Variants in HOGA1 observed in about 807,000 individuals in gnomAD.
HOGA1 encodes 4-hydroxy-2-oxoglutarate aldolase 1, also known as 4-hydroxy-2-oxoglutarate aldolase, mitochondrial.
HOGA1 carries 30 observed loss-of-function variants against 34.3 expected under a neutral mutation model. The observed-to-expected ratio is 0.87, with a 90% confidence interval of 0.65 to 1.19. HOGA1 has a LOEUF of 1.19. Ranked by LOEUF, HOGA1 falls within the 50% of genes most tolerant of loss-of-function variation. The probability of loss-of-function intolerance (pLI) is 0.00; values close to 1 mark genes in which losing one functional copy is unlikely to be tolerated. For synonymous variants in HOGA1, 161 were observed against 174.0 expected (o/e 0.93, Z 0.59); for missense variants, 417 against 436.5 (o/e 0.96, Z 0.40).
At chr10:97,589,698 G>T in intron 1 of HOGA1, 2 of 586,824 alleles carry the variant, frequency 3.4e-6, no homozygotes, top group Non-Finnish European at 6.1e-6. Flanking sequence ...CCTAGGGAGG[G>T]TGCAGCAGGG....
In HOGA1 at chr10:97,598,353, C is replaced by A. The variant is rs146115571; in HGVS notation, c.212-422C>A. ...ACAAATAAATTGTGTTCTAACCTTA[C>A]AACAGAATACTATACAGCAATTAAA... is the stretch of plus-strand genomic sequence containing the variant. On this transcript the variant is annotated intron_variant, in intron 1 of 6. Coordinates refer to ENST00000370646, the MANE Select transcript of HOGA1 (RefSeq NM_138413.4). 2.5e-3 allele frequency among the ~76,000 whole-genome samples: 383 copies of A among 152,340 alleles called. 9 individuals carry two copies. The East Asian group carries it at 0.065, about 26-fold the overall frequency.
chr10:97,585,481 T>C (rs1177499401), intron 1 of HOGA1, among the ~76,000 whole-genome samples: 1 of 152,190 alleles, frequency 6.6e-6, no homozygotes, highest in African/African-American at 2.4e-5. Flanking sequence ...AATCAACATG[T>C]AACAGAGTCC....
chr10:97,607,338 G>A (rs1185008912), intron 6 of HOGA1, among the ~76,000 whole-genome samples: 2 of 152,176 alleles, frequency 1.3e-5, no homozygotes, highest in African/African-American at 2.4e-5. Flanking sequence ...CACCCAGCTG[G>A]GAGCGGGGGT....
Position 97,594,158 on chromosome 10 carries a change from T to C in HOGA1, c.212-4617T>C, listed in dbSNP as rs370214519. 3.9e-3 allele frequency among the ~76,000 whole-genome samples: 551 copies of C among 142,678 alleles called. 8 individuals are homozygous for C. Among genetic ancestry groups the C allele is most frequent in the African/African-American group, 0.014 (531 of 38,706 alleles). 93.6% of individuals were successfully genotyped at this position (142,678 alleles called of 152,430 possible). A position where few individuals can be genotyped will look rare whatever the true frequency, so the allele number is the denominator to read the frequency against. On this transcript the variant is annotated intron_variant, in intron 1 of 6. Transcript: ENST00000370646. ...TGCTGGAATTACAGGCATGAGCCAC[T>C]GCGCCTGGTCTTTTTTTTTTTTTTT...
intron 1 of HOGA1, among the ~76,000 whole-genome samples, chr10:97,587,684 T>A (rs1363285734): frequency 6.6e-6 from 1 of 152,042 alleles, no homozygotes; most frequent in Non-Finnish European, 1.5e-5. Flanking sequence ...ATTTTTGTAT[T>A]TTTAGTAGAG....
At chr10:97,591,365 A>C (rs2041021369) in intron 1 of HOGA1, among the ~76,000 whole-genome samples, 1 of 152,112 alleles carries the variant, frequency 6.6e-6, no homozygotes, top group South Asian at 2.1e-4. Context: ...CCACCACCTA[A>C]GTCTACAGCT....
rs1370618938 is a variant in HOGA1 at position 97,584,643 on chromosome 10, G to A, written c.-61G>A. 1 of 1,396,330 alleles carries A rather than the reference G, an allele frequency of 7.2e-7. No homozygotes were observed. Among genetic ancestry groups the A allele is most frequent in the Non-Finnish European group, 9.9e-7 (1 of 1,009,164 alleles). 86.5% of individuals were successfully genotyped at this position (1,396,330 alleles called of 1,614,324 possible). ...TTGATCATTAATAGGGGGTTAGAAA[G>A]AGTTCAAACTAAGTCTCACTCTGGG... On this transcript the variant is annotated 5_prime_UTR_variant, in exon 1 of 7. Coordinates refer to ENST00000370646, the MANE Select transcript of HOGA1 (RefSeq NM_138413.4).
intron 1 of HOGA1, among the ~76,000 whole-genome samples, chr10:97,598,093 T>A (rs1227759053): frequency 6.6e-6 from 1 of 152,270 alleles, no homozygotes; most frequent in Non-Finnish European, 1.5e-5. Flanking sequence ...TGTTTCAGCA[T>A]TGTTTGCAAT....
intron 6 of HOGA1, among the ~76,000 whole-genome samples, chr10:97,605,877 C>T (rs1589911484): frequency 1.3e-5 from 2 of 152,200 alleles, no homozygotes; most frequent in Middle Eastern, 6.8e-3. Context: ...CAGTCTACAG[C>T]TTGTCGTTTC....
chr10:97,611,404 G>T, intron 6 of HOGA1, 106 bp from the exon 7 acceptor site: 1 of 1,326,362 alleles, frequency 7.5e-7, no homozygotes, highest in Non-Finnish European at 1.1e-6. Context: ...ACTTTCCTGG[G>T]GGAAGAGGGT....
At chr10:97,609,263 G>T (rs2041179402) in intron 6 of HOGA1, among the ~76,000 whole-genome samples, 1 of 152,116 alleles carries the variant, frequency 6.6e-6, no homozygotes, top group South Asian at 2.1e-4. Context: ...AAACGGAGCG[G>T]CTTCCAGGGC....
At chr10:97,591,817 T>TTTGTG (rs150558450) in intron 1 of HOGA1, among the ~76,000 whole-genome samples, 1 of 111,056 alleles carries the variant, frequency 9.0e-6, no homozygotes, top group African/African-American at 3.6e-5. Context: ...TTCTTTCATT[T>TTTGTG]TGTGTGTGTG....
chr10:97,604,219 T>A (rs2041141138), intron 6 of HOGA1, among the ~76,000 whole-genome samples: 1 of 152,252 alleles, frequency 6.6e-6, no homozygotes, highest in African/African-American at 2.4e-5. Flanking sequence ...CCACTCAGCA[T>A]AATTCTCTGG....
chr10:97,588,664 C>A (rs370776504), intron 1 of HOGA1, among the ~76,000 whole-genome samples: 1 of 152,186 alleles, frequency 6.6e-6, no homozygotes, highest in Non-Finnish European at 1.5e-5. Flanking sequence ...CAGAACTAGT[C>A]CAGCAGGACT....
At chr10:97,606,128 C>A (rs368562639) in intron 6 of HOGA1, among the ~76,000 whole-genome samples, 422 of 95,054 alleles carry the variant, frequency 4.4e-3, no homozygotes, top group South Asian at 9.4e-3. Flanking sequence ...ACTAAAAATA[C>A]AAAAAAAAAA....
Position 97,587,731 on chromosome 10 carries a change from C to A in HOGA1, c.211+2817C>A, listed in dbSNP as rs2040981296. Among the ~76,000 whole-genome samples, 4 of 152,160 alleles carry A rather than the reference C, an allele frequency of 2.6e-5. No homozygotes were observed. The South Asian group carries it at 8.3e-4, about 31-fold the overall frequency. The stretch of plus-strand genomic sequence containing the variant: ...CCATGTTGGCCAAGCTGGTCTTGAA[C>A]TCCTGACCTCACGGTCCGCCGGCCT... On this transcript the variant is annotated intron_variant, in intron 1 of 6. Transcript: ENST00000370646.
At chr10:97,589,817 G>T (rs1368820258) in intron 1 of HOGA1, 2 of 1,092,460 alleles carry the variant, frequency 1.8e-6, no homozygotes, top group Non-Finnish European at 2.7e-6. Context: ...TAGGGTCCTG[G>T]AGACCTTCTT....
intron 1 of HOGA1, among the ~76,000 whole-genome samples, chr10:97,593,581 T>C (rs937940118): frequency 9.9e-5 from 15 of 152,168 alleles, no homozygotes; most frequent in African/African-American, 2.9e-4. Context: ...ATGAATTATG[T>C]CATGCAAAAA....
intron 2 of HOGA1, 79 bp downstream of exon 2, chr10:97,598,982 C>T: frequency 6.2e-7 from 1 of 1,608,296 alleles, no homozygotes; most frequent in Non-Finnish European, 8.5e-7. Context: ...TGGGTCCTGT[C>T]TCCTTGTTCT....
Sources: allele counts gnomAD v4.1 joint callset (sites outside exome capture counted in the v4.1 genomes callset), GRCh38; gene constraint gnomAD v4.1.1; transcripts MANE v1.5; gene names NCBI Gene and HGNC (gene_info 2026-07-23, HGNC 2026-07-21).